C2CD3: variants seen among roughly 807,000 people sequenced by gnomAD.
C2CD3 encodes C2 domain containing 3 centriole elongation regulator.
C2CD3 carries 148 observed loss-of-function variants against 234.0 expected under a neutral mutation model. That is an observed-to-expected ratio of 0.63 (90% confidence interval 0.55 to 0.72). The LOEUF (loss-of-function observed/expected upper bound fraction) is 0.72, where lower values mean the gene tolerates loss of function less well. Among genes scored for constraint, C2CD3 ranks in the 30% least tolerant of loss-of-function variants. The pLI is 0.00. For synonymous variants in C2CD3, 1,000 were observed against 1,035.4 expected (o/e 0.97, Z 0.66); for missense variants, 2,577 against 2,811.5 (o/e 0.92, Z 1.89).
intron 3 of C2CD3, among the ~76,000 whole-genome samples, chr11:74,161,038 A>G (rs1240867611): frequency 6.6e-6 from 1 of 152,246 alleles, no homozygotes; most frequent in Non-Finnish European, 1.5e-5. Flanking sequence ...GGGAATCTAG[A>G]AACTAAAACG....
At chr11:74,036,935 A>G (rs529426914) in intron 30 of C2CD3, among the ~76,000 whole-genome samples, 1 of 152,314 alleles carries the variant, frequency 6.6e-6, no homozygotes, top group Non-Finnish European at 1.5e-5. Context: ...AAGTCCCTCA[A>G]TAATTCCAAT....
At chr11:74,029,223 A>G (rs1314690073) in intron 31 of C2CD3, among the ~76,000 whole-genome samples, 1 of 152,218 alleles carries the variant, frequency 6.6e-6, no homozygotes, top group Non-Finnish European at 1.5e-5. Flanking sequence ...AAGGGGGTAA[A>G]GAGGGGACTA....
At chr11:74,036,417 T>C in intron 30 of C2CD3, 1 of 455,826 alleles carries the variant, frequency 2.2e-6, no homozygotes, top group Non-Finnish European at 4.4e-6. Flanking sequence ...TGACTGAAAA[T>C]ATCCAAGCAA....
Position 74,085,962 on chromosome 11 carries a change from T to A in C2CD3, c.3642-76A>T, listed in dbSNP as rs1373019727. 8.6e-6 allele frequency: 12 copies of A among 1,394,594 alleles called. No individual in the cohort carries two copies. The Admixed American group carries it at 2.7e-4, about 31-fold the overall frequency. The allele number at this position is 1,394,594 out of a possible 1,614,324, so 86.4% of individuals were successfully genotyped here. On this transcript the variant is annotated intron_variant, in intron 20 of 32. Coordinates refer to ENST00000334126, the MANE Select transcript of C2CD3 (RefSeq NM_001286577.2). ...TCAGCTTGATTTTCTAGAAAATAAC[T>A]TCATTACTTCTATGAGACCACCAAG...
intron 5 of C2CD3, among the ~76,000 whole-genome samples, chr11:74,135,269 C>CTT (rs111811054): frequency 2.1e-5 from 3 of 140,914 alleles, no homozygotes; most frequent in African/African-American, 5.2e-5. Flanking sequence ...TTATTTAAAA[C>CTT]TTTTTTTTTT....
At chr11:74,019,928 C>T (rs2135400931) in intron 32 of C2CD3, among the ~76,000 whole-genome samples, 1 of 152,280 alleles carries the variant, frequency 6.6e-6, no homozygotes. Flanking sequence ...GCACCTCGAT[C>T]CTTAGTGATG....
chr11:74,121,464 A>C (rs1488120545), intron 8 of C2CD3, among the ~76,000 whole-genome samples: 1 of 151,926 alleles, frequency 6.6e-6, no homozygotes, highest in Non-Finnish European at 1.5e-5. Context: ...AAAATTAGCC[A>C]GGTGCAGTGG....
intron 28 of C2CD3, among the ~76,000 whole-genome samples, chr11:74,044,840 G>T (rs1265443254): frequency 6.6e-6 from 1 of 151,112 alleles, no homozygotes; most frequent in African/African-American, 2.4e-5. Flanking sequence ...AATTCGCTTA[G>T]GATAATGGCC....
chr11:74,047,214 A>G (rs1953422137), intron 28 of C2CD3, among the ~76,000 whole-genome samples: 1 of 152,248 alleles, frequency 6.6e-6, no homozygotes, highest in South Asian at 2.1e-4. Context: ...AGAGTGAATT[A>G]TAGCCTAGCC....
rs1158078295 is a variant in C2CD3 at position 74,098,207 on chromosome 11, A to C, written c.2781T>G (p.Val927=). The C allele has an allele frequency of 1.2e-6, 2 of 1,613,894 alleles. No individual in the cohort carries two copies. Among genetic ancestry groups the C allele is most frequent in the East Asian group, 2.2e-5 (1 of 44,884 alleles). Residue 927 remains valine, a synonymous_variant, in exon 16 of 33, where the codon GTT becomes GTG. Coordinates refer to ENST00000334126, the MANE Select transcript of C2CD3 (RefSeq NM_001286577.2). Reference sequence around the variant, plus strand: ...TCACAGGCATGTAGCTGTCGACAGCAACAACTGGGTACTGGGCATCCAGCA... The same window carrying C: ...TCACAGGCATGTAGCTGTCGACAGCCACAACTGGGTACTGGGCATCCAGCA... ...RLLLDAQYPV[V]AVDSYMPVID...
chr11:74,085,394 T>A, intron 21 of C2CD3: 1 of 536,808 alleles, frequency 1.9e-6, no homozygotes, highest in Non-Finnish European at 3.3e-6. Flanking sequence ...TTCATCTCGA[T>A]ACACCCATTA....
intron 29 of C2CD3, among the ~76,000 whole-genome samples, chr11:74,039,598 C>T (rs901446714): frequency 1.5e-4 from 23 of 152,184 alleles, no homozygotes; most frequent in African/African-American, 4.3e-4. Context: ...CTAAATTTTG[C>T]GAACTACTGT....
chr11:74,168,622 G>A lies in C2CD3; in HGVS notation c.56-9C>T, dbSNP rs1856957428. ...AGAAATGTCACTTAAACCTGTAGAG[G>A]AATCCAAGAAAACTGAGTCAAAATT... On this transcript the variant is annotated splice_polypyrimidine_tract_variant and intron_variant, in intron 1 of 32. Coordinates refer to ENST00000334126, the MANE Select transcript of C2CD3 (RefSeq NM_001286577.2). 1 of 1,604,396 alleles carries A rather than the reference G, an allele frequency of 6.2e-7. No individual in the cohort carries two copies. Among genetic ancestry groups the A allele is most frequent in the Non-Finnish European group, 8.5e-7 (1 of 1,175,042 alleles).
chr11:74,139,474 C>T (rs936875666), intron 4 of C2CD3, 131 bp downstream of exon 4: 5 of 753,614 alleles, frequency 6.6e-6, no homozygotes, highest in African/African-American at 3.4e-5. Context: ...GGGTGCTTCA[C>T]AGTTATCTGC....
At chr11:74,059,645 A>G (rs1349098013) in intron 24 of C2CD3, among the ~76,000 whole-genome samples, 6 of 152,146 alleles carry the variant, frequency 3.9e-5, no homozygotes, top group African/African-American at 1.4e-4. Flanking sequence ...TTTAACATTT[A>G]ACAAGTAGTC....
At chr11:74,135,665 G>A (rs532487970) in intron 5 of C2CD3, among the ~76,000 whole-genome samples, 4 of 152,282 alleles carry the variant, frequency 2.6e-5, no homozygotes, top group African/African-American at 9.6e-5. Context: ...GACTGATACA[G>A]CTTTGTACCC....
rs576684131 is a variant in C2CD3, at chr11:74,099,724, G to A, written c.2732+801C>T. Among the ~76,000 whole-genome samples, 19 of 152,032 alleles carry A rather than the reference G, an allele frequency of 1.2e-4. 1 individual carries two copies. The East Asian group carries it at 3.3e-3, about 26-fold the overall frequency. On this transcript the variant is annotated intron_variant, in intron 15 of 32. Transcript: ENST00000334126. The stretch of plus-strand genomic sequence containing the variant: ...GTCCTGGTTAAGACGGTGAAACCCC[G>A]TCTCTACTAAAAATACAAAAAATTA...
intron 24 of C2CD3, among the ~76,000 whole-genome samples, chr11:74,058,860 T>G (rs181643401): frequency 1.5e-4 from 23 of 151,874 alleles, no homozygotes; most frequent in Non-Finnish European, 2.6e-4. Context: ...GATAAAAAAT[T>G]TACTTCCTTG....
rs771889016 is a variant in C2CD3, at chr11:74,103,573, T to C, written c.2138A>G (p.Lys713Arg). ...DNKDFTGINT[K>R]LSGNTHYTPL... ...GGTATAATGGGTGTTGCCACTTAACTTAGTATTGATACCAGTGAAATCTTT... is the reference window on the plus strand; with the variant it reads ...GGTATAATGGGTGTTGCCACTTAACCTAGTATTGATACCAGTGAAATCTTT... Residue 713 changes from lysine (K) to arginine (R), a missense_variant, in exon 14 of 33, where the codon AAG (lysine) becomes AGG (arginine). Coordinates refer to ENST00000334126, the MANE Select transcript of C2CD3 (RefSeq NM_001286577.2). 2 of 1,613,168 alleles carry C rather than the reference T, an allele frequency of 1.2e-6. No individual in the cohort carries two copies. Among genetic ancestry groups the C allele is most frequent in the South Asian group, 2.2e-5 (2 of 91,070 alleles).
Sources: gnomAD v4.1 joint callset for allele counts (sites outside exome capture counted in the v4.1 genomes callset) on GRCh38, gnomAD v4.1.1 for gene constraint, MANE v1.5 for transcripts, NCBI Gene and HGNC (gene_info 2026-07-23, HGNC 2026-07-21) for gene names.